UTS2: variants seen among roughly 807,000 people sequenced by gnomAD.
The protein encoded by UTS2 is urotensin-2.
UTS2 carries 10 observed loss-of-function variants against 12.6 expected under a neutral mutation model. The observed-to-expected ratio is 0.80, with a 90% CI of 0.49 to 1.35. The LOEUF (loss-of-function observed/expected upper bound fraction) is 1.35. Among genes scored for constraint, UTS2 ranks in the 40% most tolerant of loss-of-function variants. UTS2 has a pLI of 0.00. For missense variants in UTS2, 142 were observed against 143.2 expected (o/e 0.99, Z 0.04); for synonymous variants, 52 against 50.0 (o/e 1.04, Z -0.17).
chr1:7,857,211 G>A (rs1156858579), upstream of UTS2, among the ~76,000 whole-genome samples: 1 of 152,090 alleles, frequency 6.6e-6, no homozygotes, highest in Admixed American at 6.5e-5. Context: ...GCAGGGACCA[G>A]GATCCCACTG....
intron 3 of UTS2, 123 bp downstream of exon 3, chr1:7,849,517 G>A (rs2097411696): frequency 2.2e-6 from 2 of 907,734 alleles, no homozygotes; most frequent in Admixed American, 6.6e-5. Context: ...GGTCATGCTG[G>A]CCAATTATTT....
chr1:7,850,915 A>C lies in UTS2; in HGVS notation c.111T>G (p.His37Gln), dbSNP rs147306007. 5.6e-6 allele frequency: 9 copies of C among 1,614,164 alleles called. No homozygotes were observed. Among genetic ancestry groups the C allele is most frequent in the Non-Finnish European group, 7.6e-6 (9 of 1,180,032 alleles). ...CCTCCGGAGTTAAGCGCGCGTCTTC[A>C]TGAGGTGCTACAGAGTAAAAACAGA... Reference protein sequence around the residue: ...REISFQLSAPHEDARLTPEEL... With the variant: ...REISFQLSAPQEDARLTPEEL... Residue 37 changes from histidine (H) to glutamine (Q), a missense_variant, in exon 2 of 4, where the codon CAT (histidine) becomes CAG (glutamine). Physicochemically the swap from His to Gln is conservative, Grantham distance 24. Coordinates refer to ENST00000361696, the MANE Select transcript of UTS2 (RefSeq NM_006786.4).
chr1:7,906,451 G>GAAAGAAAGAAAGAA, the UTS2 span, among the ~76,000 whole-genome samples: 4 of 80,324 alleles, frequency 5.0e-5, no homozygotes, highest in South Asian at 1.8e-3. Context: ...AAGAAAAAGA[G>GAAAGAAAGAAAGAA]AAAGAAAGAA....
At chr1:7,851,240 C>T (rs2097413859) in intron 1 of UTS2, among the ~76,000 whole-genome samples, 1 of 152,180 alleles carries the variant, frequency 6.6e-6, no homozygotes, top group South Asian at 2.1e-4. Context: ...AAAAGTCTGA[C>T]TCTCCCTCAT....
the UTS2 span, among the ~76,000 whole-genome samples, chr1:7,861,017 G>C: frequency 3.3e-5 from 5 of 149,630 alleles, no homozygotes; most frequent in Admixed American, 3.3e-4. Flanking sequence ...ACTCTAGCCT[G>C]GGTGACAGAG....
At chr1:7,872,326 GA>G in the UTS2 span, among the ~76,000 whole-genome samples, 13 of 97,802 alleles carry the variant, frequency 1.3e-4, no homozygotes, top group African/African-American at 2.0e-4. Context: ...AAAAGGAAAA[GA>G]AAAAAAAAGA....
At chr1:7,887,418 G>A in the UTS2 span, among the ~76,000 whole-genome samples, 38 of 152,134 alleles carry the variant, frequency 2.5e-4, no homozygotes, top group East Asian at 7.2e-3. Context: ...TAGGAAAGTA[G>A]GAAGCAAAAG....
At chr1:7,883,972 G>A in the UTS2 span, among the ~76,000 whole-genome samples, 24 of 150,506 alleles carry the variant, frequency 1.6e-4, no homozygotes, top group Middle Eastern at 3.5e-3. Flanking sequence ...GTGCCACCAC[G>A]CCCAGCAAAT....
the UTS2 span, among the ~76,000 whole-genome samples, chr1:7,875,734 A>G: frequency 1.3e-5 from 2 of 152,012 alleles, no homozygotes; most frequent in Non-Finnish European, 2.9e-5. Context: ...CACTTTTCCC[A>G]TCACCAGCAC....
the UTS2 span, among the ~76,000 whole-genome samples, chr1:7,866,252 C>T: frequency 2.6e-5 from 4 of 152,326 alleles, no homozygotes; most frequent in Admixed American, 2.0e-4. The surrounding 1 kb of genome is among the most constrained non-coding windows in gnomAD (Gnocchi z 4.5). Flanking sequence ...GGCCTCCTCG[C>T]AGCTGAAAGT....
At chr1:7,853,390 A>C, upstream of UTS2, 1 of 1,614,214 alleles carries the variant, frequency 6.2e-7, no homozygotes, top group South Asian at 1.1e-5. Flanking sequence ...GAGTCCGAGC[A>C]GAAGTGACGC....
At chr1:7,883,950 G>A in the UTS2 span, among the ~76,000 whole-genome samples, 1 of 152,070 alleles carries the variant, frequency 6.6e-6, no homozygotes, top group African/African-American at 2.4e-5. Context: ...GAGTAGCTGG[G>A]ATTACAGGCA....
the UTS2 span, among the ~76,000 whole-genome samples, chr1:7,864,634 G>A: frequency 1.3e-5 from 2 of 152,108 alleles, no homozygotes; most frequent in African/African-American, 2.4e-5. Context: ...TGTTCTTCAC[G>A]CCCATTGAAT....
chr1:7,855,067 A>G (rs1016679298), upstream of UTS2, among the ~76,000 whole-genome samples: 10 of 151,704 alleles, frequency 6.6e-5, no homozygotes, highest in Admixed American at 2.0e-4. Context: ...AGGCTGAGGC[A>G]GGAGAATTGC....
chr1:7,910,160 C>T, the UTS2 span, among the ~76,000 whole-genome samples: 1 of 152,096 alleles, frequency 6.6e-6, no homozygotes, highest in Non-Finnish European at 1.5e-5. Flanking sequence ...CCTCATTCTC[C>T]CCGCAAAGGC....
chr1:7,850,505 C>T (rs535078202), intron 2 of UTS2, among the ~76,000 whole-genome samples: 3 of 152,164 alleles, frequency 2.0e-5, no homozygotes, highest in South Asian at 2.1e-4. Flanking sequence ...TTTCAGTAAA[C>T]GGGAAACTAG....
chr1:7,905,351 G>A, the UTS2 span, among the ~76,000 whole-genome samples: 1 of 151,782 alleles, frequency 6.6e-6, no homozygotes, highest in African/African-American at 2.4e-5. Flanking sequence ...CTCCATGTTG[G>A]TCAGGCTGGT....
chr1:7,885,908 T>TGGGGGGGGGGGGGGGGGGGGG, the UTS2 span, among the ~76,000 whole-genome samples: 1 of 13,992 alleles, frequency 7.1e-5, no homozygotes, highest in Non-Finnish European at 1.8e-4. Context: ...GGGGGTGGGG[T>TGGGGGGGGGGGGGGGGGGGGG]GGGGGGGGGC....
chr1:7,868,209 C>G, the UTS2 span, among the ~76,000 whole-genome samples: 1 of 152,158 alleles, frequency 6.6e-6, no homozygotes, highest in Non-Finnish European at 1.5e-5. Context: ...TTAGCCTTCT[C>G]CTAATGCATG....
Sources: allele counts gnomAD v4.1 joint callset (sites outside exome capture counted in the v4.1 genomes callset), GRCh38; gene constraint gnomAD v4.1.1; non-coding constraint Gnocchi (gnomAD v3.1); transcripts MANE v1.5; gene names NCBI Gene and HGNC (gene_info 2026-07-23, HGNC 2026-07-21).